RPL37: variants seen among roughly 807,000 people sequenced by gnomAD.
RPL37 encodes the protein large ribosomal subunit protein eL37.
A neutral mutation model predicts 14.8 loss-of-function variants in RPL37; 1 was observed. The ratio of observed to expected loss-of-function variants is 0.07; its 90% CI spans 0.02 to 0.32. The LOEUF is 0.32. Ranked by LOEUF, RPL37 falls within the 10% of genes least tolerant of loss-of-function variation. RPL37 has a pLI of 1.00. For synonymous variants in RPL37, 53 were observed against 45.8 expected (o/e 1.16, Z -0.63); for missense variants, 100 against 128.3 (o/e 0.78, Z 1.06).
chr5:40,833,942 G>A, intron 3 of RPL37: 1 of 502,540 alleles, frequency 2.0e-6, no homozygotes. Flanking sequence ...GGGTACTCGG[G>A]CGGCTGAGAT....
chr5:40,832,291 T>G lies in RPL37; in HGVS notation c.*213A>C, dbSNP rs1254327797. On this transcript the variant is annotated 3_prime_UTR_variant, in exon 4 of 4. Coordinates refer to ENST00000274242, the MANE Select transcript of RPL37 (RefSeq NM_000997.5). The stretch of plus-strand genomic sequence containing the variant: ...GGACTCCTGGAATTCTGCTTGTTTC[T>G]CATTGCCTTTAACCGTGTTACAAAC... 7.2e-6 allele frequency: 4 copies of G among 558,426 alleles called. No individual in the cohort carries two copies. The Admixed American group carries it at 1.2e-4, about 16-fold the overall frequency. The allele number at this position is 558,426 out of a possible 1,614,324, so 34.6% of individuals were successfully genotyped here.
At chr5:40,832,736 G>A in intron 3 of RPL37, 163 bp from the exon 4 acceptor site, 1 of 753,524 alleles carries the variant, frequency 1.3e-6, no homozygotes, top group South Asian at 1.4e-5. Context: ...CTGATAAGCT[G>A]AAATTCTTCA....
chr5:40,832,607 C>T (rs1745666786), intron 3 of RPL37, 34 bp from the exon 4 acceptor site: 5 of 1,541,050 alleles, frequency 3.2e-6, no homozygotes, highest in Non-Finnish European at 4.5e-6. Flanking sequence ...CAAGTTACTT[C>T]AGCAACATCG....
At position 40,834,611 on chromosome 5, in the gene RPL37, A is replaced by C; in HGVS notation, c.4-5T>G. 1 of 1,606,006 alleles carries C rather than the reference A, an allele frequency of 6.2e-7. No homozygotes were observed. Among genetic ancestry groups the C allele is most frequent in the Non-Finnish European group, 8.5e-7 (1 of 1,177,798 alleles). On this transcript the variant is annotated splice_region_variant and splice_polypyrimidine_tract_variant and intron_variant, in intron 1 of 3. Coordinates refer to ENST00000274242, the MANE Select transcript of RPL37 (RefSeq NM_000997.5). ...AAACGATGACGTTCCCTTCGTCTGC[A>C]CATTAAAGGAATAAATAGTTCTGAA...
At chr5:40,833,072 C>T (rs1468764706) in intron 3 of RPL37, among the ~76,000 whole-genome samples, 1 of 152,214 alleles carries the variant, frequency 6.6e-6, no homozygotes, top group East Asian at 1.9e-4. Flanking sequence ...AGCCTGGCTT[C>T]AGTTCAAGCT....
rs1745651181 is a variant in RPL37, at chr5:40,832,042, G to A, written c.*462C>T. 1 of 166,996 alleles carries A rather than the reference G, an allele frequency of 6.0e-6. No homozygotes were observed. Among genetic ancestry groups the A allele is most frequent in the Non-Finnish European group, 1.3e-5 (1 of 75,022 alleles). 10.3% of individuals were successfully genotyped at this position (166,996 alleles called of 1,614,324 possible). On this transcript the variant is annotated 3_prime_UTR_variant, in exon 4 of 4. Coordinates refer to ENST00000274242, the MANE Select transcript of RPL37 (RefSeq NM_000997.5). ...TAAGATCATCTTTTGAAAAACAGAA[G>A]CCACCTAAACTCCTACCCATACGTT...
At position 40,825,781 on chromosome 5, in the gene RPL37, C is replaced by G. The variant is rs973844219; in HGVS notation, c.*6723G>C. On this transcript the variant is annotated 3_prime_UTR_variant, in exon 4 of 4. Coordinates refer to ENST00000274242, the MANE Select transcript of RPL37 (RefSeq NM_000997.5). ...AGTGCAGTGGTGCAATCTCAGCTCA[C>G]TGCAGTCTCAACTTCCTGGGCTCAG... is the stretch of plus-strand genomic sequence containing the variant. The G allele has an allele frequency of 2.0e-4, 30 of 152,090 alleles. No individual in the cohort carries two copies. The highest frequency in any genetic ancestry group is 7.3e-4 in the African/African-American group (30 of 41,246). 9.4% of individuals were successfully genotyped at this position (152,090 alleles called of 1,614,324 possible).
intron 1 of RPL37, 123 bp from the exon 2 acceptor site, chr5:40,834,729 G>A (rs1158678477): frequency 8.8e-6 from 10 of 1,142,116 alleles, no homozygotes; most frequent in Non-Finnish European, 1.1e-5. Context: ...TGCGGGAGAA[G>A]CCTCTTTCCA....
chr5:40,834,985 A>C, intron 1 of RPL37, 198 bp downstream of exon 1: 1 of 714,596 alleles, frequency 1.4e-6, no homozygotes, highest in Non-Finnish European at 2.4e-6. Flanking sequence ...CGGCTCTAGC[A>C]CCACAATTAC....
intron 3 of RPL37, 179 bp downstream of exon 3, chr5:40,834,002 G>A (rs753207900): frequency 1.7e-6 from 1 of 594,458 alleles, no homozygotes. Flanking sequence ...CCGTGATCGT[G>A]CCACTACACT....
rs1745662521 is a variant in RPL37 at position 40,832,440 on chromosome 5, AC to A, written c.*63del. On this transcript the variant is annotated 3_prime_UTR_variant, in exon 4 of 4. Coordinates refer to ENST00000274242, the MANE Select transcript of RPL37 (RefSeq NM_000997.5). ...AAGCCTAATTGATTAAAAATACCTTACCAAAACCAGATATGTATTTTTTAAA... is the reference window on the plus strand; with the variant it reads ...AAGCCTAATTGATTAAAAATACCTTACAAAACCAGATATGTATTTTTTAAA... 1.4e-6 allele frequency: 2 copies of A among 1,402,452 alleles called. No homozygotes were observed. The highest frequency in any genetic ancestry group is 2.0e-6 in the Non-Finnish European group (2 of 988,918). 86.9% of individuals were successfully genotyped at this position (1,402,452 alleles called of 1,614,324 possible). A position where few individuals can be genotyped will look rare whatever the true frequency, so the allele number is the denominator to read the frequency against.
rs1201487025 is a variant in RPL37 at position 40,827,190 on chromosome 5, G to A, written c.*5314C>T. Reference sequence around the variant, plus strand: ...ACAGAAAAAGTCGATTTAATTATCTGCGGGGCCCAGGGATTATGAAGCCAG... The same window carrying A: ...ACAGAAAAAGTCGATTTAATTATCTACGGGGCCCAGGGATTATGAAGCCAG... On this transcript the variant is annotated 3_prime_UTR_variant, in exon 4 of 4. Transcript: ENST00000274242. 6.6e-6 allele frequency: 1 copy of A among 152,306 alleles called. No homozygotes were observed. Among genetic ancestry groups the A allele is most frequent in the Non-Finnish European group, 1.5e-5 (1 of 68,132 alleles). The allele number at this position is 152,306 out of a possible 1,614,324, so 9.4% of individuals were successfully genotyped here. A position where few individuals can be genotyped will look rare whatever the true frequency, so the allele number is the denominator to read the frequency against.
chr5:40,826,790 G>A lies in RPL37; in HGVS notation c.*5714C>T, dbSNP rs1420729885. 2.0e-5 allele frequency: 3 copies of A among 152,138 alleles called. No homozygotes were observed. Among genetic ancestry groups the A allele is most frequent in the Admixed American group, 2.0e-4 (3 of 15,258 alleles). 9.4% of individuals were successfully genotyped at this position (152,138 alleles called of 1,614,324 possible). A position where few individuals can be genotyped will look rare whatever the true frequency, so the allele number is the denominator to read the frequency against. ...TACTAAGGGTTAGGAAAGAATTACAGACTTTTCTTGAGACAGGGTCTTTGT... is the reference window on the plus strand; with the variant it reads ...TACTAAGGGTTAGGAAAGAATTACAAACTTTTCTTGAGACAGGGTCTTTGT... On this transcript the variant is annotated 3_prime_UTR_variant, in exon 4 of 4. Coordinates refer to ENST00000274242, the MANE Select transcript of RPL37 (RefSeq NM_000997.5).
rs532535128 is a variant in RPL37, at chr5:40,832,100, T to C, written c.*404A>G. On this transcript the variant is annotated 3_prime_UTR_variant, in exon 4 of 4. Transcript: ENST00000274242. ...GTACTCCCAAGCTCTATGTGACTAA[T>C]AATCATCCCCCTAGTCATGACAGCA... is the stretch of plus-strand genomic sequence containing the variant. The C allele has an allele frequency of 4.4e-5, 9 of 204,300 alleles. No homozygotes were observed. The highest frequency in any genetic ancestry group is 2.0e-4 in the African/African-American group (9 of 44,080). The allele number at this position is 204,300 out of a possible 1,614,324, so 12.7% of individuals were successfully genotyped here.
At chr5:40,835,119 C>T in intron 1 of RPL37, 64 bp downstream of exon 1, 1 of 1,610,866 alleles carries the variant, frequency 6.2e-7, no homozygotes, top group Non-Finnish European at 8.5e-7. Context: ...CCAAGCACAG[C>T]AAACAGAGAG....
rs1322379063 is a variant in RPL37, at chr5:40,830,999, C to T, written c.*1505G>A. The T allele has an allele frequency of 1.3e-5, 2 of 151,928 alleles. No individual in the cohort carries two copies. Among genetic ancestry groups the T allele is most frequent in the Non-Finnish European group, 2.9e-5 (2 of 68,024 alleles). 9.4% of individuals were successfully genotyped at this position (151,928 alleles called of 1,614,324 possible). A position where few individuals can be genotyped will look rare whatever the true frequency, so the allele number is the denominator to read the frequency against. ...TGGTGGCTCACGCCTGTAATCCTAG[C>T]ACTTTGGGAGGCCGAGGCGGCGGAT... On this transcript the variant is annotated 3_prime_UTR_variant, in exon 4 of 4. Transcript: ENST00000274242.
intron 3 of RPL37, 145 bp from the exon 4 acceptor site, chr5:40,832,718 C>T (rs1745669756): frequency 2.6e-6 from 2 of 769,034 alleles, no homozygotes; most frequent in Non-Finnish European, 2.4e-6. Context: ...TTTATTTTTA[C>T]AACATCACTG....
Position 40,832,219 on chromosome 5 carries a change from G to A in RPL37, c.*285C>T, listed in dbSNP as rs1745655257. 2.6e-6 allele frequency: 1 copy of A among 388,680 alleles called. No homozygotes were observed. The highest frequency in any genetic ancestry group is 4.9e-6 in the Non-Finnish European group (1 of 203,862). The allele number at this position is 388,680 out of a possible 1,614,324, so 24.1% of individuals were successfully genotyped here. A position where few individuals can be genotyped will look rare whatever the true frequency, so the allele number is the denominator to read the frequency against. On this transcript the variant is annotated 3_prime_UTR_variant, in exon 4 of 4. Coordinates refer to ENST00000274242, the MANE Select transcript of RPL37 (RefSeq NM_000997.5). ...AATACCCACCTATGCCACATGAGCT[G>A]TGCTATTTTAATCTGCTATATTGTC...
rs1374583938 is a variant in RPL37 at position 40,825,467 on chromosome 5, T to C, written c.*7037A>G. 2.0e-5 allele frequency: 3 copies of C among 152,188 alleles called. No homozygotes were observed. The highest frequency in any genetic ancestry group is 4.4e-5 in the Non-Finnish European group (3 of 68,038). 9.4% of individuals were successfully genotyped at this position (152,188 alleles called of 1,614,324 possible). ...ACAGGGGTACGTTCCCAGAGGTTTC[T>C]CTCTCTAGAGCAATCCCTAATAGGA... On this transcript the variant is annotated 3_prime_UTR_variant, in exon 4 of 4. Coordinates refer to ENST00000274242, the MANE Select transcript of RPL37 (RefSeq NM_000997.5).
Sources: gnomAD v4.1 joint callset for allele counts (sites outside exome capture counted in the v4.1 genomes callset) on GRCh38, gnomAD v4.1.1 for gene constraint, MANE v1.5 for transcripts, NCBI Gene and HGNC (gene_info 2026-07-23, HGNC 2026-07-21) for gene names.